The following AFG2A variants were observed in gnomAD, a reference collection of about 807,000 sequenced individuals.
AFG2A encodes ATPase family gene 2 protein homolog A.
At chr4:123,255,353 C>T in the AFG2A span, among the ~76,000 whole-genome samples, 6 of 152,010 alleles carry the variant, frequency 3.9e-5, no homozygotes, top group African/African-American at 1.2e-4. Flanking sequence ...GGTGAAACCC[C>T]GTCTCTACTA....
chr4:122,965,363 A>G, the AFG2A span, among the ~76,000 whole-genome samples: 6,198 of 152,278 alleles, frequency 0.041, 405 homozygotes, highest in African/African-American at 0.14. Context: ...TTTGAAGAGC[A>G]TGGGTTTAGA....
chr4:122,929,192 A>G, the AFG2A span: 4 of 1,580,474 alleles, frequency 2.5e-6, no homozygotes, highest in Non-Finnish European at 3.4e-6. Flanking sequence ...TGGATGTGGC[A>G]CTGAGGTTTG....
the AFG2A span, among the ~76,000 whole-genome samples, chr4:123,190,893 T>C: frequency 6.6e-6 from 1 of 152,192 alleles, no homozygotes; most frequent in African/African-American, 2.4e-5. Flanking sequence ...ACTGCAGTAT[T>C]ACAGAGGGGC....
At chr4:123,271,326 C>A in the AFG2A span, among the ~76,000 whole-genome samples, 1 of 152,136 alleles carries the variant, frequency 6.6e-6, no homozygotes, top group Non-Finnish European at 1.5e-5. Context: ...TGAGGATGTT[C>A]TTCTATGCTT....
At chr4:123,144,952 A>G in the AFG2A span, among the ~76,000 whole-genome samples, 6 of 152,044 alleles carry the variant, frequency 3.9e-5, no homozygotes. Context: ...TCCTAAGACA[A>G]TAATTTTTTT....
chr4:123,045,954 G>C, the AFG2A span, among the ~76,000 whole-genome samples: 1 of 151,928 alleles, frequency 6.6e-6, no homozygotes, highest in Non-Finnish European at 1.5e-5. Flanking sequence ...AAATTAGCCA[G>C]GCGTGGTGAC....
At chr4:123,027,445 C>T in the AFG2A span, among the ~76,000 whole-genome samples, 2 of 152,126 alleles carry the variant, frequency 1.3e-5, no homozygotes, top group Non-Finnish European at 2.9e-5. Flanking sequence ...ATCTATCCTT[C>T]GAGAGTTGGC....
At chr4:122,953,593 G>T in the AFG2A span, among the ~76,000 whole-genome samples, 1 of 152,240 alleles carries the variant, frequency 6.6e-6, no homozygotes, top group Non-Finnish European at 1.5e-5. Context: ...CTATCCCTCT[G>T]CAGGAAGGGT....
At chr4:122,937,108 C>T in the AFG2A span, among the ~76,000 whole-genome samples, 1,835 of 152,282 alleles carry the variant, frequency 0.012, 41 homozygotes, top group African/African-American at 0.041. Context: ...CATGATTTCA[C>T]TGCTGCACTC....
the AFG2A span, among the ~76,000 whole-genome samples, chr4:123,019,695 C>T: frequency 6.6e-6 from 1 of 152,118 alleles, no homozygotes; most frequent in African/African-American, 2.4e-5. Flanking sequence ...TGTGTAAAGA[C>T]AGATATTTTA....
the AFG2A span, among the ~76,000 whole-genome samples, chr4:123,190,527 C>T: frequency 2.6e-5 from 4 of 152,092 alleles, no homozygotes; most frequent in Non-Finnish European, 2.9e-5. Context: ...CATATTTAAT[C>T]GAGCCAGAAG....
chr4:123,131,013 C>T, the AFG2A span, among the ~76,000 whole-genome samples: 1 of 151,960 alleles, frequency 6.6e-6, no homozygotes. Flanking sequence ...CTCTTATTAC[C>T]AGCAATATCA....
At chr4:123,216,826 T>G in the AFG2A span, among the ~76,000 whole-genome samples, 1 of 152,072 alleles carries the variant, frequency 6.6e-6, no homozygotes, top group Non-Finnish European at 1.5e-5. Context: ...TGCCAGTTTT[T>G]TCAAATTTTT....
the AFG2A span, among the ~76,000 whole-genome samples, chr4:123,133,305 C>T: frequency 6.6e-6 from 1 of 152,144 alleles, no homozygotes; most frequent in Non-Finnish European, 1.5e-5. Flanking sequence ...GGTTACGGGG[C>T]TTATCACAGG....
At chr4:122,948,030 A>G in the AFG2A span, among the ~76,000 whole-genome samples, 2 of 152,132 alleles carry the variant, frequency 1.3e-5, no homozygotes, top group African/African-American at 2.4e-5. Context: ...TATAAAAAAT[A>G]TGGTTAATCA....
chr4:123,014,308 T>C, the AFG2A span, among the ~76,000 whole-genome samples: 2 of 152,210 alleles, frequency 1.3e-5, no homozygotes, highest in Admixed American at 1.3e-4. Flanking sequence ...ATTTTCATGA[T>C]GTATGAAGAA....
At chr4:122,980,693 G>A in the AFG2A span, among the ~76,000 whole-genome samples, 1 of 152,126 alleles carries the variant, frequency 6.6e-6, no homozygotes, top group African/African-American at 2.4e-5. Flanking sequence ...CTTCCTAACA[G>A]ATGTGAGGTG....
the AFG2A span, among the ~76,000 whole-genome samples, chr4:123,308,733 T>G: frequency 6.6e-6 from 1 of 152,172 alleles, no homozygotes; most frequent in East Asian, 1.9e-4. Flanking sequence ...TAACTAAAAA[T>G]ACTATAGATT....
chr4:123,038,740 A>G, the AFG2A span, among the ~76,000 whole-genome samples: 1 of 152,076 alleles, frequency 6.6e-6, no homozygotes, highest in South Asian at 2.1e-4. Flanking sequence ...CTTGACTTGA[A>G]TTATTCCAAT....
Sources: gnomAD v4.1 joint callset for allele counts (sites outside exome capture counted in the v4.1 genomes callset) on GRCh38, gnomAD v4.1.1 for gene constraint, MANE v1.5 for transcripts, NCBI Gene and HGNC (gene_info 2026-07-23, HGNC 2026-07-21) for gene names.